The following DPH6 variants were observed in gnomAD, a reference collection of about 807,000 sequenced individuals.
DPH6 encodes the protein diphthamine biosynthesis 6.
A neutral mutation model predicts 38.2 loss-of-function variants in DPH6; 33 were observed. That is an observed-to-expected ratio of 0.86 (90% confidence interval 0.65 to 1.15). The LOEUF is 1.15. Among genes scored for constraint, DPH6 ranks in the 50% most tolerant of loss-of-function variants. The pLI is 0.00. For synonymous variants in DPH6, 108 were observed against 103.0 expected (o/e 1.05, Z -0.30); for missense variants, 325 against 320.0 (o/e 1.02, Z -0.12).
downstream of DPH6, among the ~76,000 whole-genome samples, chr15:35,329,308 T>C (rs1040873741): frequency 4.6e-5 from 7 of 152,330 alleles, no homozygotes; most frequent in East Asian, 1.9e-4. Context: ...TGTGTGTATA[T>C]AGAATGCAGG....
chr15:35,530,839 C>T (rs1157834905), intron 3 of DPH6, among the ~76,000 whole-genome samples: 2 of 152,194 alleles, frequency 1.3e-5, no homozygotes, highest in African/African-American at 4.8e-5. Context: ...GTGGCACAGC[C>T]TCAATAAAGC....
At chr15:35,305,866 G>A (rs1048205344) in intron 3 of DPH6, among the ~76,000 whole-genome samples, 2 of 152,146 alleles carry the variant, frequency 1.3e-5, no homozygotes, top group Non-Finnish European at 2.9e-5. Flanking sequence ...TTATAATTTT[G>A]TAGTGGTTAT....
At chr15:35,225,453 T>G (rs1595435231) in intron 3 of DPH6, among the ~76,000 whole-genome samples, 1 of 152,230 alleles carries the variant, frequency 6.6e-6, no homozygotes, top group Non-Finnish European at 1.5e-5. Context: ...ATAATAAAGT[T>G]ATGTATATGG....
intron 3 of DPH6, among the ~76,000 whole-genome samples, chr15:35,256,158 T>G (rs1309872537): frequency 1.3e-5 from 2 of 152,174 alleles, no homozygotes; most frequent in Non-Finnish European, 2.9e-5. Flanking sequence ...TCATAACTAA[T>G]AAGGCAATAT....
At chr15:35,361,463 A>G (rs572030792) in intron 3 of DPH6, among the ~76,000 whole-genome samples, 1 of 150,414 alleles carries the variant, frequency 6.6e-6, no homozygotes, top group Non-Finnish European at 1.5e-5. Flanking sequence ...GGATATCTAC[A>G]TCATTTCTCA....
At chr15:35,399,787 G>A (rs2053193158) in intron 6 of DPH6, among the ~76,000 whole-genome samples, 1 of 152,220 alleles carries the variant, frequency 6.6e-6, no homozygotes, top group Non-Finnish European at 1.5e-5. Flanking sequence ...TCTATGACCA[G>A]TTACAGAATC....
At chr15:35,359,743 G>A (rs1406208890) in intron 3 of DPH6, among the ~76,000 whole-genome samples, 1 of 152,192 alleles carries the variant, frequency 6.6e-6, no homozygotes, top group Non-Finnish European at 1.5e-5. Context: ...GGGTCCTGCA[G>A]GAGCAGTCCA....
At chr15:35,328,896 T>C (rs538510185), downstream of DPH6, among the ~76,000 whole-genome samples, 1 of 152,228 alleles carries the variant, frequency 6.6e-6, no homozygotes, top group East Asian at 1.9e-4. Flanking sequence ...GAGGAGCAAC[T>C]CCCATCTTAC....
rs1285784686 is a variant in DPH6 at position 35,371,643 on chromosome 15, C to T, written c.*507G>A. The T allele has an allele frequency of 2.0e-6, 2 of 984,750 alleles. No individual in the cohort carries two copies. The highest frequency in any genetic ancestry group is 1.1e-4 in the East Asian group (1 of 8,824). The allele number at this position is 984,750 out of a possible 1,614,324, so 61.0% of individuals were successfully genotyped here. A position where few individuals can be genotyped will look rare whatever the true frequency, so the allele number is the denominator to read the frequency against. On this transcript the variant is annotated 3_prime_UTR_variant, in exon 9 of 9. Coordinates refer to ENST00000256538, the MANE Select transcript of DPH6 (RefSeq NM_080650.4). ...AGTTAAGGACATTCTTCCTAATTGT[C>T]CAATAACGTTGAAACACTTCAACCA...
chr15:35,217,926 A>C (rs2051419680), exon 4 of DPH6: 1 of 152,230 alleles, frequency 6.6e-6, no homozygotes, highest in Non-Finnish European at 1.5e-5. Flanking sequence ...GTATGTTTTA[A>C]GTCATCTCTC....
At chr15:35,532,825 T>C (rs564297836) in intron 3 of DPH6, among the ~76,000 whole-genome samples, 2 of 152,022 alleles carry the variant, frequency 1.3e-5, no homozygotes, top group East Asian at 3.9e-4. Flanking sequence ...AAGAATTGGC[T>C]GGGCACGGTG....
chr15:35,423,289 T>C (rs1170264818), intron 5 of DPH6, among the ~76,000 whole-genome samples: 2 of 151,884 alleles, frequency 1.3e-5, no homozygotes, highest in African/African-American at 2.4e-5. Context: ...ATTTCCCTGA[T>C]GATTAGTGAA....
intron 3 of DPH6, among the ~76,000 whole-genome samples, chr15:35,224,594 C>T (rs909409365): frequency 2.0e-5 from 3 of 152,166 alleles, no homozygotes; most frequent in Admixed American, 2.0e-4. Flanking sequence ...CCAAGGAGCA[C>T]AGTCGCTGGA....
intron 3 of DPH6, among the ~76,000 whole-genome samples, chr15:35,516,831 G>C (rs940903828): frequency 6.6e-6 from 1 of 151,990 alleles, no homozygotes; most frequent in African/African-American, 2.4e-5. Flanking sequence ...ACTCCTAGGA[G>C]GTGTCTGCCT....
chr15:35,275,611 A>C (rs992418840), intron 3 of DPH6, among the ~76,000 whole-genome samples: 11 of 152,108 alleles, frequency 7.2e-5, no homozygotes, highest in African/African-American at 2.7e-4. Flanking sequence ...TGCAGGACTT[A>C]AAACCTAGAT....
rs527366771 is a variant in DPH6, at chr15:35,245,742, C to CA, written n.201-25161dup. On this transcript the variant is annotated intron_variant and non_coding_transcript_variant, in intron 3 of 3. Coordinates refer to the DPH6 transcript ENST00000560386. The stretch of plus-strand genomic sequence containing the variant: ...CAAATCAACACATTTTAACTTTTCA[C>CA]AAAATTAAGCATTTGAAAATCTCTT... Among the ~76,000 whole-genome samples the CA allele has an allele frequency of 1.1e-3, 163 of 145,780 alleles. 1 individual carries two copies. Among genetic ancestry groups the CA allele is most frequent in the African/African-American group, 3.6e-3 (148 of 40,974 alleles).
rs551058586 is a variant in DPH6 at position 35,239,487 on chromosome 15, C to T, written n.201-18905G>A. 3.3e-4 allele frequency among the ~76,000 whole-genome samples: 48 copies of T among 144,212 alleles called. 9 individuals are homozygous for T. Among genetic ancestry groups the T allele is most frequent in the African/African-American group, 9.5e-4 (38 of 39,930 alleles). The allele number at this position is 144,212 out of a possible 152,430, so 94.6% of individuals were successfully genotyped here. Reference sequence around the variant, plus strand: ...TCAAGGGTGTCAGACCATGCAGGGACGCCTGCCTTGGTCCTTCACCCTTAG... The same window carrying T: ...TCAAGGGTGTCAGACCATGCAGGGATGCCTGCCTTGGTCCTTCACCCTTAG... On this transcript the variant is annotated intron_variant and non_coding_transcript_variant, in intron 3 of 3. Coordinates refer to the DPH6 transcript ENST00000560386.
chr15:35,386,306 A>G (rs941653862), intron 6 of DPH6, among the ~76,000 whole-genome samples: 5 of 152,222 alleles, frequency 3.3e-5, no homozygotes, highest in Non-Finnish European at 5.9e-5. Flanking sequence ...TGCAATAAAC[A>G]TATGTGTGCA....
intron 5 of DPH6, among the ~76,000 whole-genome samples, chr15:35,441,580 T>C (rs2053788481): frequency 6.6e-6 from 1 of 152,174 alleles, no homozygotes; most frequent in African/African-American, 2.4e-5. Flanking sequence ...AAATACCACA[T>C]GTTCTCACTC....
Sources: allele counts gnomAD v4.1 joint callset (sites outside exome capture counted in the v4.1 genomes callset), GRCh38; gene constraint gnomAD v4.1.1; transcripts MANE v1.5; gene names NCBI Gene and HGNC (gene_info 2026-07-23, HGNC 2026-07-21).